ZNF740: variants seen among roughly 807,000 people sequenced by gnomAD.
ZNF740 encodes the protein zinc finger protein 740.
A neutral mutation model predicts 24.8 loss-of-function variants in ZNF740; 14 were observed. The observed-to-expected ratio is 0.56, with a 90% confidence interval of 0.37 to 0.88. The LOEUF is 0.88. ZNF740 is among the 40% of genes least tolerant of loss of function. ZNF740 has a pLI of 0.00. For synonymous variants in ZNF740, 69 were observed against 84.0 expected (o/e 0.82, Z 0.98); for missense variants, 201 against 247.9 (o/e 0.81, Z 1.27).
rs775880116 is a variant in ZNF740 at position 53,192,831 on chromosome 12, C to T, written c.*5241C>T. The T allele has an allele frequency of 6.2e-6, 10 of 1,614,104 alleles. No homozygotes were observed. The South Asian group carries it at 1.1e-4, about 18-fold the overall frequency. ...CTCCCTCGGGACTGATGCAACTGTC[C>T]ATGTCCCCACTGCATTCGCATGCTC... On this transcript the variant is annotated 3_prime_UTR_variant, in exon 7 of 7. Coordinates refer to ENST00000416904, the MANE Select transcript of ZNF740 (RefSeq NM_001004304.4).
In ZNF740 at chr12:53,194,281, C is replaced by T. The variant is rs771135540; in HGVS notation, c.*6691C>T. 47 of 1,613,768 alleles carry T rather than the reference C, an allele frequency of 2.9e-5. No individual in the cohort carries two copies. The highest frequency in any genetic ancestry group is 2.2e-4 in the Admixed American group (13 of 59,988). On this transcript the variant is annotated 3_prime_UTR_variant, in exon 7 of 7. Transcript: ENST00000416904. ...TTCTCAGGACCCTCACACTGGGATTCGTAAGAAATGTGGACCCCAGGAGGG... is the reference window on the plus strand; with the variant it reads ...TTCTCAGGACCCTCACACTGGGATTTGTAAGAAATGTGGACCCCAGGAGGG...
chr12:53,186,285 C>T, intron 5 of ZNF740, 106 bp from the exon 6 acceptor site: 1 of 1,203,326 alleles, frequency 8.3e-7, no homozygotes, highest in African/African-American at 1.5e-5. Context: ...TTTATGATCA[C>T]TTAGGTGTCT....
At chr12:53,185,593 C>CAGTG in intron 4 of ZNF740, 117 bp downstream of exon 4, 1 of 924,092 alleles carries the variant, frequency 1.1e-6, no homozygotes, top group African/African-American at 1.7e-5. Flanking sequence ...CTCTGATAGC[C>CAGTG]AGTGAGTGAG....
At chr12:53,181,029 C>T (rs1032114143) in intron 1 of ZNF740, 192 bp downstream of exon 1, 16 of 871,596 alleles carry the variant, frequency 1.8e-5, no homozygotes, top group African/African-American at 7.5e-5. Context: ...GCGCGTCCCG[C>T]CGCGTCCCCG....
chr12:53,190,658 C>T lies in ZNF740; in HGVS notation c.*3068C>T, dbSNP rs556574857. 3.9e-5 allele frequency: 6 copies of T among 152,166 alleles called. No homozygotes were observed. In the South Asian group the frequency reaches 8.3e-4, roughly 21 times the overall value. 9.4% of individuals were successfully genotyped at this position (152,166 alleles called of 1,614,324 possible). On this transcript the variant is annotated 3_prime_UTR_variant, in exon 7 of 7. Transcript: ENST00000416904. Reference sequence around the variant, plus strand: ...TTTTATCAACTGTCCCCTTCCTATCCTCCTCTCCACCCTGTTTTTTGTTTT... The same window carrying T: ...TTTTATCAACTGTCCCCTTCCTATCTTCCTCTCCACCCTGTTTTTTGTTTT...
chr12:53,188,266 TCTTC>T lies in ZNF740; in HGVS notation c.*683_*686del, dbSNP rs1181215046. On this transcript the variant is annotated 3_prime_UTR_variant, in exon 7 of 7. Coordinates refer to ENST00000416904, the MANE Select transcript of ZNF740 (RefSeq NM_001004304.4). ...CTGGATCCAAAAAGTGGATGGCACC[TCTTC>T]CTTCCTCAAGGGAAAAGGAAGAGTT... 2.0e-5 allele frequency: 3 copies of T among 152,756 alleles called. No individual in the cohort carries two copies. Among genetic ancestry groups the T allele is most frequent in the East Asian group, 3.9e-4 (2 of 5,192 alleles). 9.5% of individuals were successfully genotyped at this position (152,756 alleles called of 1,614,324 possible).
In ZNF740 at chr12:53,189,378, G is replaced by A. The variant is rs1218251569; in HGVS notation, c.*1788G>A. ...GTAGGGTCTGAGATGGGAAACTCCT[G>A]AAAGTATGATTTCATTTCCCAGAAA... is the stretch of plus-strand genomic sequence containing the variant. On this transcript the variant is annotated 3_prime_UTR_variant, in exon 7 of 7. Transcript: ENST00000416904. 6.7e-6 allele frequency: 1 copy of A among 148,314 alleles called. No individual in the cohort carries two copies. Among genetic ancestry groups the A allele is most frequent in the Non-Finnish European group, 1.5e-5 (1 of 67,194 alleles). The allele number at this position is 148,314 out of a possible 1,614,324, so 9.2% of individuals were successfully genotyped here. A position where few individuals can be genotyped will look rare whatever the true frequency, so the allele number is the denominator to read the frequency against.
intron 6 of ZNF740, 39 bp downstream of exon 6, chr12:53,186,548 T>C (rs905259641): frequency 3.5e-5 from 52 of 1,500,270 alleles, no homozygotes; most frequent in Non-Finnish European, 4.4e-5. Flanking sequence ...ACACACACTT[T>C]TCCTTCCCCA....
Position 53,181,780 on chromosome 12 carries a change from C to T in ZNF740, c.-204C>T, listed in dbSNP as rs546542048. The T allele has an allele frequency of 2.3e-5, 15 of 665,640 alleles. No homozygotes were observed. In the South Asian group the frequency reaches 2.9e-4, roughly 13 times the overall value. 41.2% of individuals were successfully genotyped at this position (665,640 alleles called of 1,614,324 possible). On this transcript the variant is annotated 5_prime_UTR_variant, in exon 2 of 7. Transcript: ENST00000416904. ...ACAATAGGCAGGAGCCAGGCAGAGT[C>T]CAGGGATTCTTGGAACACCTATCTT... is the stretch of plus-strand genomic sequence containing the variant.
chr12:53,184,150 T>TGTGTGCGCGC (rs59250662), intron 2 of ZNF740, among the ~76,000 whole-genome samples: 106 of 104,408 alleles, frequency 1.0e-3, no homozygotes, highest in South Asian at 1.5e-3. Context: ...TGTGTGTGTG[T>TGTGTGCGCGC]GCGCGCGCGC....
At chr12:53,184,157 G>GCA in intron 2 of ZNF740, among the ~76,000 whole-genome samples, 1 of 137,684 alleles carries the variant, frequency 7.3e-6, no homozygotes, top group East Asian at 2.0e-4. Flanking sequence ...GTGTGCGCGC[G>GCA]CGCGCTCTGA....
chr12:53,184,150 T>TGTGTGTGTGTGTGTGTGTGTGC (rs59250662), intron 2 of ZNF740, among the ~76,000 whole-genome samples: 8 of 104,344 alleles, frequency 7.7e-5, no homozygotes, highest in South Asian at 3.0e-4. Flanking sequence ...TGTGTGTGTG[T>TGTGTGTGTGTGTGTGTGTGTGC]GCGCGCGCGC....
In ZNF740 at chr12:53,184,806, G is replaced by A. The variant is rs571488031; in HGVS notation, c.10-85G>A. The A allele has an allele frequency of 9.1e-5, 135 of 1,481,682 alleles. 1 individual carries two copies. In the East Asian group the frequency reaches 3.3e-3, roughly 36 times the overall value. 91.8% of individuals were successfully genotyped at this position (1,481,682 alleles called of 1,614,324 possible). On this transcript the variant is annotated intron_variant, in intron 2 of 6. Coordinates refer to ENST00000416904, the MANE Select transcript of ZNF740 (RefSeq NM_001004304.4). ...GGAGAGAAGCAGTTTGTAGCAGGGT[G>A]TAAAAGGTAGTTCTATAGAGGATGG...
intron 6 of ZNF740, chr12:53,186,732 C>T: frequency 2.2e-6 from 1 of 448,920 alleles, no homozygotes; most frequent in Non-Finnish European, 4.1e-6. Context: ...ATCACTTACT[C>T]TATGCCAGGC....
chr12:53,185,547 A>G, intron 4 of ZNF740, 71 bp downstream of exon 4: 2 of 1,400,118 alleles, frequency 1.4e-6, no homozygotes, highest in South Asian at 1.2e-5. Flanking sequence ...TCTTCCCTCT[A>G]CCATGTAACC....
chr12:53,182,096 A>G, intron 2 of ZNF740, 104 bp downstream of exon 2: 4 of 1,494,338 alleles, frequency 2.7e-6, no homozygotes, highest in Non-Finnish European at 3.6e-6. Flanking sequence ...CCAGTGATCC[A>G]AGCTCTGTAT....
At chr12:53,187,180 A>G (rs1222947500) in intron 6 of ZNF740, among the ~76,000 whole-genome samples, 3 of 152,232 alleles carry the variant, frequency 2.0e-5, no homozygotes, top group African/African-American at 7.2e-5. Flanking sequence ...ATAGATACTC[A>G]ATAAATCTTT....
intron 2 of ZNF740, chr12:53,182,209 C>A: frequency 1.6e-6 from 1 of 606,940 alleles, no homozygotes; most frequent in Non-Finnish European, 2.9e-6. Flanking sequence ...TACTGCATCA[C>A]AGGCACTGAT....
rs762799421 is a variant in ZNF740 at position 53,191,104 on chromosome 12, AC to A, written c.*3520del. On this transcript the variant is annotated 3_prime_UTR_variant, in exon 7 of 7. Coordinates refer to ENST00000416904, the MANE Select transcript of ZNF740 (RefSeq NM_001004304.4). Reference sequence around the variant, plus strand: ...ACAGATGCAGTGTCTCTGACCTGGGACCCCCCTGCATCCGCAGCACTTGAGA... The same window carrying A: ...ACAGATGCAGTGTCTCTGACCTGGGACCCCCTGCATCCGCAGCACTTGAGA... 4 of 209,626 alleles carry A rather than the reference AC, an allele frequency of 1.9e-5. No homozygotes were observed. Among genetic ancestry groups the A allele is most frequent in the African/African-American group, 2.3e-5 (1 of 44,132 alleles). 13.0% of individuals were successfully genotyped at this position (209,626 alleles called of 1,614,324 possible).
Sources: gnomAD v4.1 joint callset for allele counts (sites outside exome capture counted in the v4.1 genomes callset) on GRCh38, gnomAD v4.1.1 for gene constraint, MANE v1.5 for transcripts, NCBI Gene and HGNC (gene_info 2026-07-23, HGNC 2026-07-21) for gene names.